PDHX: variants seen among roughly 807,000 people sequenced by gnomAD.
PDHX encodes pyruvate dehydrogenase complex component X.
PDHX carries 33 observed loss-of-function variants against 55.3 expected under a neutral mutation model. The observed-to-expected ratio is 0.60, with a 90% CI of 0.45 to 0.80. The LOEUF is 0.80. Ranked by LOEUF, PDHX falls within the 30% of genes least tolerant of loss-of-function variation. PDHX has a pLI of 0.00. For synonymous variants in PDHX, 226 were observed against 219.4 expected (o/e 1.03, Z -0.27); for missense variants, 622 against 619.9 (o/e 1.00, Z -0.04).
intron 5 of PDHX, among the ~76,000 whole-genome samples, chr11:34,961,078 C>G (rs1315612836): frequency 6.6e-6 from 1 of 152,066 alleles, no homozygotes; most frequent in East Asian, 1.9e-4. Flanking sequence ...TAGCTTTGCT[C>G]TTTTTTTAAA....
intron 6 of PDHX, among the ~76,000 whole-genome samples, chr11:34,969,310 G>T (rs1284608466): frequency 6.7e-6 from 1 of 150,100 alleles, no homozygotes. Flanking sequence ...TTGGTTTGTT[G>T]ATTTATTGGC....
At chr11:34,922,351 G>A (rs1174618518) in intron 1 of PDHX, among the ~76,000 whole-genome samples, 1 of 152,126 alleles carries the variant, frequency 6.6e-6, no homozygotes, top group Non-Finnish European at 1.5e-5. Context: ...TTTGTTGAGA[G>A]CTTACTATAT....
chr11:34,941,713 AT>A (rs1854488617), intron 2 of PDHX: 1 of 154,094 alleles, frequency 6.5e-6, no homozygotes, highest in South Asian at 2.0e-4. Flanking sequence ...AAACATCACC[AT>A]TAACTGTGTT....
Position 34,970,186 on chromosome 11 carries a change from C to T in PDHX, c.864C>T (p.Ala288=), listed in dbSNP as rs1565164876. ...IPASNIRRVI[A]KRLTESKSTV... is the part of the protein sequence containing the mutation. ...CCAGCAATATTCGAAGAGTTATTGC[C>T]AAGAGATTAACTGAATCTAAAAGTA... Residue 288 remains alanine (A), a synonymous_variant, in exon 7 of 11, where the codon GCC becomes GCT. Transcript: ENST00000227868. The T allele has an allele frequency of 1.2e-6, 2 of 1,611,734 alleles. No individual in the cohort carries two copies. The highest frequency in any genetic ancestry group is 1.7e-5 in the Admixed American group (1 of 60,002).
chr11:34,983,522 AC>A (rs969652276), intron 8 of PDHX, among the ~76,000 whole-genome samples: 22 of 151,990 alleles, frequency 1.4e-4, no homozygotes, highest in African/African-American at 4.8e-5. Context: ...TATCTAGAAA[AC>A]CCCATTGTCT....
intron 9 of PDHX, 195 bp downstream of exon 9, chr11:34,984,923 A>C (rs1590769750): frequency 1.9e-6 from 1 of 536,062 alleles, no homozygotes. Flanking sequence ...ATTGTAAGAA[A>C]ATTTAATATT....
chr11:34,962,746 G>A (rs1855045573), intron 5 of PDHX, among the ~76,000 whole-genome samples: 1 of 152,144 alleles, frequency 6.6e-6, no homozygotes, highest in Non-Finnish European at 1.5e-5. Flanking sequence ...GTTCAGTAGT[G>A]TGACAGCAGT....
intron 7 of PDHX, among the ~76,000 whole-genome samples, chr11:34,972,609 C>T (rs1470671759): frequency 6.6e-6 from 1 of 151,868 alleles, no homozygotes; most frequent in African/African-American, 2.4e-5. Context: ...ATGTTGGCCA[C>T]GCTGGTCTCA....
chr11:34,972,136 G>A (rs939637585), intron 7 of PDHX, among the ~76,000 whole-genome samples: 1 of 151,430 alleles, frequency 6.6e-6, no homozygotes, highest in African/African-American at 2.4e-5. Flanking sequence ...AGGGTTATCA[G>A]TTCTGTTGAT....
Position 34,972,359 on chromosome 11 carries a change from T to C in PDHX, c.964+2073T>C, listed in dbSNP as rs183279227. Among the ~76,000 whole-genome samples the C allele has an allele frequency of 2.6e-4, 39 of 151,922 alleles. No individual in the cohort carries two copies. In the East Asian group the frequency reaches 6.6e-3, roughly 26 times the overall value. ...AAGCATATAGTACTCTTGAATTATC[T>C]TTAAGCACTGCTTTAGCTGTATCCC... On this transcript the variant is annotated intron_variant, in intron 7 of 10. Transcript: ENST00000227868.
intron 6 of PDHX, among the ~76,000 whole-genome samples, chr11:34,968,946 T>C (rs1039501740): frequency 3.9e-5 from 6 of 152,216 alleles, no homozygotes; most frequent in Non-Finnish European, 7.3e-5. Flanking sequence ...GTTCGACTTA[T>C]AATTTTTTGA....
At chr11:34,928,640 G>A (rs924860365) in intron 1 of PDHX, among the ~76,000 whole-genome samples, 1 of 152,122 alleles carries the variant, frequency 6.6e-6, no homozygotes, top group Admixed American at 6.5e-5. Context: ...GGATTAGAAA[G>A]CTCATTCTGT....
chr11:34,995,246 A>T lies in PDHX; in HGVS notation c.*74A>T. On this transcript the variant is annotated 3_prime_UTR_variant, in exon 11 of 11. Transcript: ENST00000227868. ...TTACCAAGAAACATATGTTATAGGA[A>T]AACAACTTGGTATTTAAGTATGAAG... The T allele has an allele frequency of 3.3e-6, 5 of 1,498,312 alleles. No individual in the cohort carries two copies. The South Asian group carries it at 5.7e-5, about 17-fold the overall frequency. The allele number at this position is 1,498,312 out of a possible 1,614,324, so 92.8% of individuals were successfully genotyped here. A position where few individuals can be genotyped will look rare whatever the true frequency, so the allele number is the denominator to read the frequency against.
At chr11:34,917,903 G>A (rs748147021) in intron 1 of PDHX, among the ~76,000 whole-genome samples, 4 of 152,152 alleles carry the variant, frequency 2.6e-5, no homozygotes, top group Non-Finnish European at 5.9e-5. Flanking sequence ...GATTCGGTCT[G>A]GTCTGGTGTG....
chr11:34,987,300 A>T (rs558352882), intron 9 of PDHX, among the ~76,000 whole-genome samples: 2 of 152,284 alleles, frequency 1.3e-5, no homozygotes, highest in South Asian at 4.1e-4. Context: ...CAGGTCTGTC[A>T]TGCCAGGCCA....
intron 1 of PDHX, among the ~76,000 whole-genome samples, chr11:34,929,297 C>A (rs1565149168): frequency 6.6e-6 from 1 of 152,162 alleles, no homozygotes; most frequent in Non-Finnish European, 1.5e-5. Context: ...GTGCAGTGAT[C>A]TTGGCTCACT....
At chr11:34,922,906 T>A (rs2956103) in intron 1 of PDHX, among the ~76,000 whole-genome samples, 27 of 53,844 alleles carry the variant, frequency 5.0e-4, no homozygotes, top group Non-Finnish European at 4.8e-5. Context: ...GTGTATGTAT[T>A]CTTTTGCTAG....
chr11:34,932,433 A>G (rs1854200315), intron 2 of PDHX, among the ~76,000 whole-genome samples: 1 of 152,184 alleles, frequency 6.6e-6, no homozygotes, highest in Non-Finnish European at 1.5e-5. Context: ...ACATGAACAG[A>G]TAGTTTACAG....
At chr11:34,919,989 T>C (rs1267872549) in intron 1 of PDHX, among the ~76,000 whole-genome samples, 1 of 152,212 alleles carries the variant, frequency 6.6e-6, no homozygotes, top group Admixed American at 6.5e-5. Flanking sequence ...ATGATTTCAA[T>C]AGTGTATACA....
Sources: gnomAD v4.1 joint callset for allele counts (sites outside exome capture counted in the v4.1 genomes callset) on GRCh38, gnomAD v4.1.1 for gene constraint, MANE v1.5 for transcripts, NCBI Gene and HGNC (gene_info 2026-07-23, HGNC 2026-07-21) for gene names.